DISP1: variants seen among roughly 807,000 people sequenced by gnomAD.
DISP1 encodes the protein protein dispatched homolog 1.
A neutral mutation model predicts 37.3 loss-of-function variants in DISP1; 30 were observed. The observed-to-expected ratio is 0.80, with a 90% CI of 0.60 to 1.09. The LOEUF (loss-of-function observed/expected upper bound fraction) is 1.09. Ranked by LOEUF, DISP1 falls within the 50% of genes least tolerant of loss-of-function variation. The pLI, the probability that DISP1 is intolerant of heterozygous loss-of-function variation, is 0.00. For missense variants in DISP1, 1,598 were observed against 1,879.5 expected (o/e 0.85, Z 2.77); for synonymous variants, 634 against 690.2 (o/e 0.92, Z 1.28).
At chr1:222,934,405 C>A (rs1673588650) in intron 2 of DISP1, among the ~76,000 whole-genome samples, 1 of 151,988 alleles carries the variant, frequency 6.6e-6, no homozygotes, top group Non-Finnish European at 1.5e-5. Context: ...TTTGTAGAGA[C>A]AATACTTGCC....
At chr1:222,846,775 T>G (rs1255319219) in intron 1 of DISP1, among the ~76,000 whole-genome samples, 2 of 152,272 alleles carry the variant, frequency 1.3e-5, no homozygotes, top group Non-Finnish European at 2.9e-5. Context: ...TTCAAACTGT[T>G]GAGTTTATGT....
At chr1:222,936,711 T>A (rs1342363769) in intron 2 of DISP1, among the ~76,000 whole-genome samples, 1 of 106,598 alleles carries the variant, frequency 9.4e-6, no homozygotes, top group Non-Finnish European at 1.8e-5. Flanking sequence ...TCATATATAT[T>A]ATATATCATA....
intron 1 of DISP1, among the ~76,000 whole-genome samples, chr1:222,867,302 C>T (rs1669249466): frequency 6.6e-6 from 1 of 152,096 alleles, no homozygotes; most frequent in African/African-American, 2.4e-5. Context: ...CTAAGCCAAA[C>T]ATATATAATA....
At chr1:222,998,930 T>G (rs1558078864) in intron 8 of DISP1, among the ~76,000 whole-genome samples, 2 of 152,136 alleles carry the variant, frequency 1.3e-5, no homozygotes, top group Admixed American at 1.3e-4. Flanking sequence ...GAGGCTCCCC[T>G]TAAACGTTTA....
intron 3 of DISP1, among the ~76,000 whole-genome samples, chr1:222,967,487 T>C (rs898460365): frequency 1.3e-5 from 2 of 152,176 alleles, no homozygotes; most frequent in Admixed American, 1.3e-4. Flanking sequence ...TTTCCATCTC[T>C]CTGTCAAAGA....
rs781051159 is a variant in DISP1, at chr1:223,005,308, G to A, written c.3911G>A (p.Ser1304Asn). The A allele has an allele frequency of 6.2e-7, 1 of 1,613,766 alleles. No individual in the cohort carries two copies. The highest frequency in any genetic ancestry group is 2.2e-5 in the East Asian group (1 of 44,876). ...CACCAGTGCTCTCCTACCACTAGCA[G>A]CTTTGTCCAGATCCAAAACGGCGTG... ...LCHQCSPTTSSFVQIQNGVAP... is the reference protein window; with the variant it reads ...LCHQCSPTTSNFVQIQNGVAP... The change falls in exon 9 of 9, where the codon AGC becomes AAC. Residue 1304 changes from serine (S) to asparagine (N), a missense_variant. Ser to Asn is a conservative substitution (Grantham distance 46). Coordinates refer to ENST00000675850, the MANE Select transcript of DISP1 (RefSeq NM_001377229.1).
At chr1:222,942,679 C>A in intron 2 of DISP1, 128 bp from the exon 3 acceptor site, 1 of 1,060,478 alleles carries the variant, frequency 9.4e-7, no homozygotes, top group Non-Finnish European at 1.4e-6. Context: ...TGCGGAATTT[C>A]TACCACTGTC....
intron 1 of DISP1, among the ~76,000 whole-genome samples, chr1:222,889,060 C>T (rs1306972365): frequency 1.1e-4 from 16 of 152,140 alleles, no homozygotes; most frequent in African/African-American, 3.9e-4. Flanking sequence ...TACTTTGAGA[C>T]ATTTAAGATA....
chr1:222,848,749 AATAAAT>A (rs1189133557), intron 1 of DISP1, among the ~76,000 whole-genome samples: 3 of 152,186 alleles, frequency 2.0e-5, no homozygotes, highest in African/African-American at 7.2e-5. Context: ...CATATAAATA[AATAAAT>A]ATAAATAACA....
intron 1 of DISP1, among the ~76,000 whole-genome samples, chr1:222,901,509 G>T (rs184946594): frequency 6.6e-6 from 1 of 151,714 alleles, no homozygotes; most frequent in African/African-American, 2.4e-5. Flanking sequence ...TTGTTTGTTT[G>T]TTTGTTTGTT....
chr1:222,874,667 T>C (rs1168057699), intron 1 of DISP1, among the ~76,000 whole-genome samples: 1 of 152,144 alleles, frequency 6.6e-6, no homozygotes, highest in Non-Finnish European at 1.5e-5. Flanking sequence ...CGTCTAATTT[T>C]TTTTCAAAGT....
intron 3 of DISP1, among the ~76,000 whole-genome samples, chr1:222,970,506 A>C (rs1197851992): frequency 6.6e-6 from 1 of 152,214 alleles, no homozygotes; most frequent in Non-Finnish European, 1.5e-5. Flanking sequence ...TTTTGATTAC[A>C]GGAACCTGGC....
chr1:222,828,640 C>T (rs1409275838), intron 1 of DISP1, among the ~76,000 whole-genome samples: 1 of 152,138 alleles, frequency 6.6e-6, no homozygotes, highest in Admixed American at 6.5e-5. Context: ...CGTACAGGCC[C>T]TCAAGTTTTG....
chr1:222,894,682 G>T (rs937065270), intron 1 of DISP1, among the ~76,000 whole-genome samples: 3 of 152,174 alleles, frequency 2.0e-5, no homozygotes, highest in Non-Finnish European at 2.9e-5. Flanking sequence ...GCGCCTGGGA[G>T]CATGGGGCTC....
chr1:222,865,069 G>A (rs1241406913), intron 1 of DISP1, among the ~76,000 whole-genome samples: 1 of 151,696 alleles, frequency 6.6e-6, no homozygotes, highest in African/African-American at 2.4e-5. Flanking sequence ...CTCAGGAAAC[G>A]TGGTATATTT....
intron 1 of DISP1, among the ~76,000 whole-genome samples, chr1:222,838,259 G>C (rs34299243): frequency 0.11 from 16,482 of 151,894 alleles, 1,258 homozygotes; most frequent in South Asian, 0.16. Flanking sequence ...TACATTTACT[G>C]TTTTTCTATA....
intron 1 of DISP1, among the ~76,000 whole-genome samples, chr1:222,900,049 G>T (rs1003166480): frequency 5.9e-5 from 9 of 152,152 alleles, no homozygotes; most frequent in Non-Finnish European, 1.2e-4. Context: ...TTTAAGATAT[G>T]CTGTGTAATT....
intron 1 of DISP1, among the ~76,000 whole-genome samples, chr1:222,845,291 C>T (rs532333259): frequency 6.6e-5 from 10 of 151,998 alleles, no homozygotes; most frequent in Non-Finnish European, 1.2e-4. Flanking sequence ...ATTCTTCATC[C>T]GTTCATTTGT....
intron 3 of DISP1, among the ~76,000 whole-genome samples, chr1:222,980,844 G>T (rs1428233401): frequency 6.6e-6 from 1 of 152,214 alleles, no homozygotes; most frequent in Non-Finnish European, 1.5e-5. Flanking sequence ...CAGCACTTTG[G>T]GAGGCCCAGG....
Sources: gnomAD v4.1 joint callset for allele counts (sites outside exome capture counted in the v4.1 genomes callset) on GRCh38, gnomAD v4.1.1 for gene constraint, MANE v1.5 for transcripts, NCBI Gene and HGNC (gene_info 2026-07-23, HGNC 2026-07-21) for gene names.